Variants in CAST observed in about 807,000 individuals in gnomAD.
CAST encodes the protein calpastatin.
In CAST, 76 loss-of-function variants were observed where a neutral mutation model predicts 119.6. That is an observed-to-expected ratio of 0.64 (90% confidence interval 0.53 to 0.77). CAST has a LOEUF of 0.77. CAST is among the 30% of genes least tolerant of loss of function. CAST has a pLI of 0.00. For missense variants in CAST, 953 were observed against 946.5 expected, an observed-to-expected ratio of 1.01 and a Z score of -0.09; for synonymous variants, 319 against 331.6, an observed-to-expected ratio of 0.96 and a Z score of 0.41.
At chr5:96,579,392 T>G (rs1311961537) in intron 1 of CAST, among the ~76,000 whole-genome samples, 11 of 152,216 alleles carry the variant, frequency 7.2e-5, no homozygotes, top group Non-Finnish European at 1.5e-5. Context: ...AGTCACCACC[T>G]GGCAGAAAAG....
the CAST span, chr5:95,980,566 T>C: frequency 6.6e-6 from 1 of 152,230 alleles, no homozygotes; most frequent in Non-Finnish European, 1.5e-5. Context: ...TGAAGCTTTT[T>C]CTGTTATTCC....
the CAST span, among the ~76,000 whole-genome samples, chr5:96,519,306 A>G: frequency 6.6e-6 from 1 of 152,234 alleles, no homozygotes; most frequent in African/African-American, 2.4e-5. Flanking sequence ...ATATTAAATT[A>G]GAAAACAGGT....
chr5:96,294,181 G>C, the CAST span, among the ~76,000 whole-genome samples: 1 of 152,188 alleles, frequency 6.6e-6, no homozygotes, highest in Non-Finnish European at 1.5e-5. Context: ...AAAAAAATTA[G>C]ATCATGTGCT....
At chr5:96,404,990 T>C in the CAST span, among the ~76,000 whole-genome samples, 1 of 152,282 alleles carries the variant, frequency 6.6e-6, no homozygotes, top group East Asian at 1.9e-4. Context: ...GTTGTTCCTG[T>C]GGGATGGCAC....
At chr5:96,205,000 A>G in the CAST span, among the ~76,000 whole-genome samples, 1 of 152,018 alleles carries the variant, frequency 6.6e-6, no homozygotes, top group African/African-American at 2.4e-5. Flanking sequence ...TTATATCTGC[A>G]TATCCTTTTT....
the CAST span, among the ~76,000 whole-genome samples, chr5:96,262,542 T>C: frequency 6.6e-6 from 1 of 152,106 alleles, no homozygotes; most frequent in Non-Finnish European, 1.5e-5. Context: ...GTTTTTGTTT[T>C]TGTTTGAGAC....
intron 1 of CAST, among the ~76,000 whole-genome samples, chr5:96,533,830 G>A (rs1745735346): frequency 6.6e-6 from 1 of 152,066 alleles, no homozygotes; most frequent in African/African-American, 2.4e-5. Context: ...GTGTACCCAG[G>A]GATAGGCACT....
chr5:96,742,975 G>C (rs534925520), intron 16 of CAST, among the ~76,000 whole-genome samples: 1 of 152,306 alleles, frequency 6.6e-6, no homozygotes, highest in African/African-American at 2.4e-5. Flanking sequence ...AAATGAACAC[G>C]AATCTCCCTT....
chr5:96,073,254 G>A, the CAST span, among the ~76,000 whole-genome samples: 6 of 152,276 alleles, frequency 3.9e-5, no homozygotes, highest in South Asian at 2.1e-4. Context: ...ATCAGTAGCC[G>A]TGGTGGCATG....
the CAST span, among the ~76,000 whole-genome samples, chr5:96,189,186 C>T: frequency 3.2e-4 from 48 of 152,254 alleles, 1 homozygote; most frequent in African/African-American, 1.0e-3. Flanking sequence ...CCACTGTTTC[C>T]TATATCCCGC....
the CAST span, among the ~76,000 whole-genome samples, chr5:96,172,398 A>G: frequency 6.6e-6 from 1 of 152,364 alleles, no homozygotes; most frequent in East Asian, 1.9e-4. Flanking sequence ...ATGATGGCTT[A>G]GCTTGGGTTC....
intron 1 of CAST, among the ~76,000 whole-genome samples, chr5:96,564,265 C>A (rs1001059955): frequency 2.0e-5 from 3 of 152,166 alleles, no homozygotes; most frequent in African/African-American, 4.8e-5. Flanking sequence ...ATGTTCAGTA[C>A]CTTTTTGTTC....
At chr5:96,735,662 T>C (rs1761483379) in intron 9 of CAST, among the ~76,000 whole-genome samples, 1 of 152,206 alleles carries the variant, frequency 6.6e-6, no homozygotes, top group African/African-American at 2.4e-5. Flanking sequence ...GCATGGAAAC[T>C]GCAGATTGAA....
At chr5:96,230,695 G>A in the CAST span, among the ~76,000 whole-genome samples, 1 of 152,140 alleles carries the variant, frequency 6.6e-6, no homozygotes, top group Non-Finnish European at 1.5e-5. Flanking sequence ...ACACCATCAG[G>A]AAGGTGAAAA....
At chr5:95,991,483 TAAC>T in the CAST span, among the ~76,000 whole-genome samples, 3 of 150,216 alleles carry the variant, frequency 2.0e-5, no homozygotes, top group Non-Finnish European at 3.0e-5. Context: ...TGACTATAGT[TAAC>T]AACAAGTTTT....
the CAST span, among the ~76,000 whole-genome samples, chr5:96,018,755 C>T: frequency 1.3e-5 from 2 of 152,132 alleles, no homozygotes; most frequent in African/African-American, 2.4e-5. Context: ...GCTATAATTC[C>T]TTGTAGTAAA....
the CAST span, among the ~76,000 whole-genome samples, chr5:96,145,148 G>A: frequency 3.9e-5 from 6 of 152,152 alleles, no homozygotes; most frequent in Non-Finnish European, 7.3e-5. Context: ...TCAGCTATCA[G>A]TTAATAGCTA....
chr5:96,289,779 A>G, the CAST span, among the ~76,000 whole-genome samples: 1 of 152,208 alleles, frequency 6.6e-6, no homozygotes, highest in East Asian at 1.9e-4. Context: ...ATTGGAAGTC[A>G]TCATGCACAA....
chr5:96,741,028 A>C, intron 13 of CAST: 12 of 594,950 alleles, frequency 2.0e-5, no homozygotes. Flanking sequence ...AATATTATGC[A>C]TGTTCATAAT....
Sources: allele counts gnomAD v4.1 joint callset (sites outside exome capture counted in the v4.1 genomes callset), GRCh38; gene constraint gnomAD v4.1.1; transcripts MANE v1.5; gene names NCBI Gene and HGNC (gene_info 2026-07-23, HGNC 2026-07-21).